Variants in SLC24A4 observed in about 807,000 individuals in gnomAD.
The protein encoded by SLC24A4 is sodium/potassium/calcium exchanger 4.
In SLC24A4, 53 loss-of-function variants were observed where a neutral mutation model predicts 79.0. The observed-to-expected ratio is 0.67, with a 90% CI of 0.54 to 0.84. The LOEUF (loss-of-function observed/expected upper bound fraction) is 0.84, where lower values mean the gene tolerates loss of function less well. Among genes scored for constraint, SLC24A4 ranks in the 40% least tolerant of loss-of-function variants. The pLI, the probability that SLC24A4 is intolerant of heterozygous loss-of-function variation, is 0.00. For synonymous variants in SLC24A4, 323 were observed against 323.8 expected, an observed-to-expected ratio of 1.00 and a Z score of 0.03; for missense variants, 731 against 822.0, an observed-to-expected ratio of 0.89 and a Z score of 1.35.
At chr14:92,368,201 C>G (rs546179141) in intron 2 of SLC24A4, among the ~76,000 whole-genome samples, 1 of 152,206 alleles carries the variant, frequency 6.6e-6, no homozygotes, top group Admixed American at 6.5e-5. Flanking sequence ...CAGACAGAAA[C>G]AATGGGCAAT....
At chr14:92,396,427 C>G (rs1889783333) in intron 2 of SLC24A4, among the ~76,000 whole-genome samples, 1 of 152,080 alleles carries the variant, frequency 6.6e-6, no homozygotes, top group Admixed American at 6.6e-5. Context: ...GTTGGGTGAG[C>G]CCAAGGTGCT....
intron 12 of SLC24A4, among the ~76,000 whole-genome samples, chr14:92,468,931 T>A (rs1894278721): frequency 2.5e-5 from 1 of 39,406 alleles, no homozygotes; most frequent in South Asian, 8.3e-4. Context: ...TGTGTGTGTG[T>A]GTGTCACTTA....
intron 3 of SLC24A4, among the ~76,000 whole-genome samples, chr14:92,437,247 A>G (rs1566765331): frequency 1.3e-5 from 2 of 152,158 alleles, no homozygotes; most frequent in East Asian, 1.9e-4. Context: ...TTGTTCCTCA[A>G]AGGCATCAAA....
chr14:92,480,540 G>A lies in SLC24A4; in HGVS notation c.1256-2140G>A, dbSNP rs183384916. ...GATCTCCTGACCTCATGATCCACCCGCCTCGGCCTCCCAAAGTGCTGGGAT... is the reference window on the plus strand; with the variant it reads ...GATCTCCTGACCTCATGATCCACCCACCTCGGCCTCCCAAAGTGCTGGGAT... On this transcript the variant is annotated intron_variant, in intron 12 of 16. Transcript: ENST00000532405. 5.2e-3 allele frequency among the ~76,000 whole-genome samples: 783 copies of A among 151,112 alleles called. 4 individuals carry two copies. The highest frequency in any genetic ancestry group is 0.012 in the South Asian group (56 of 4,750).
intron 2 of SLC24A4, among the ~76,000 whole-genome samples, chr14:92,384,012 C>T (rs1346809923): frequency 6.6e-6 from 1 of 152,172 alleles, no homozygotes; most frequent in Non-Finnish European, 1.5e-5. Flanking sequence ...TTAATGACTC[C>T]AGCTTGACTC....
intron 12 of SLC24A4, among the ~76,000 whole-genome samples, chr14:92,471,662 T>C (rs953364641): frequency 2.6e-5 from 4 of 152,104 alleles, no homozygotes; most frequent in Non-Finnish European, 4.4e-5. Flanking sequence ...GCATGGGGAA[T>C]GAACACACTA....
intron 2 of SLC24A4, among the ~76,000 whole-genome samples, chr14:92,430,028 G>A (rs1189222873): frequency 6.6e-6 from 1 of 152,184 alleles, no homozygotes; most frequent in South Asian, 2.1e-4. Flanking sequence ...GACCAGGCAC[G>A]TCCGTGACGC....
At chr14:92,358,647 C>T (rs1887315961) in intron 2 of SLC24A4, among the ~76,000 whole-genome samples, 1 of 151,814 alleles carries the variant, frequency 6.6e-6, no homozygotes, top group Non-Finnish European at 1.5e-5. Flanking sequence ...TTCTTTTCTT[C>T]ACCACCTATC....
rs557937671 is a variant in SLC24A4, at chr14:92,354,244, G to A, written c.241+28266G>A. ...TGCAGTGGCGCGATCTCCGCCTCCC[G>A]GGTTCACGCCATTCTCCTGCCTTAC... On this transcript the variant is annotated intron_variant, in intron 2 of 16. Coordinates refer to ENST00000532405, the MANE Select transcript of SLC24A4 (RefSeq NM_153646.4). Among the ~76,000 whole-genome samples the A allele has an allele frequency of 2.2e-4, 33 of 151,414 alleles. 1 individual carries two copies. The South Asian group carries it at 6.3e-3, about 29-fold the overall frequency.
At chr14:92,474,702 C>CGT (rs200558729) in intron 12 of SLC24A4, among the ~76,000 whole-genome samples, 2 of 4,198 alleles carry the variant, frequency 4.8e-4, no homozygotes, top group Admixed American at 9.1e-3. Flanking sequence ...TGTATATATA[C>CGT]GTGTGTGTAT....
At chr14:92,454,380 C>G (rs1303380486) in intron 11 of SLC24A4, among the ~76,000 whole-genome samples, 2 of 151,976 alleles carry the variant, frequency 1.3e-5, no homozygotes, top group African/African-American at 4.8e-5. Flanking sequence ...TAGGGCAAAA[C>G]AAAAAAGATG....
At chr14:92,446,353 G>C (rs1035025705) in intron 8 of SLC24A4, among the ~76,000 whole-genome samples, 7 of 152,058 alleles carry the variant, frequency 4.6e-5, no homozygotes, top group African/African-American at 1.7e-4. Flanking sequence ...CACCATGTTG[G>C]CCAGGCTGGT....
chr14:92,468,165 A>G (rs7154308), intron 12 of SLC24A4, among the ~76,000 whole-genome samples: 129,156 of 152,118 alleles, frequency 0.85, 55,279 homozygotes, highest in South Asian at 0.9. Context: ...TCCCATTTAC[A>G]ATAGGATTTA....
chr14:92,323,693 A>C lies in SLC24A4; in HGVS notation c.-138A>C. Reference sequence around the variant, plus strand: ...CCCCCGCCGACCTCGCCCTCGGGCCATGAGGCTTTGGCCCGGAGCTCCTCG... The same window carrying C: ...CCCCCGCCGACCTCGCCCTCGGGCCCTGAGGCTTTGGCCCGGAGCTCCTCG... On this transcript the variant is annotated 5_prime_UTR_variant, in exon 1 of 17. An upstream start codon of the reference 5' UTR is lost. Coordinates refer to ENST00000532405, the MANE Select transcript of SLC24A4 (RefSeq NM_153646.4). The surrounding 1 kb of genome is among the most constrained non-coding windows in gnomAD (Gnocchi z 4.9). The C allele has an allele frequency of 8.7e-7, 1 of 1,150,454 alleles. No homozygotes were observed. The highest frequency in any genetic ancestry group is 2.9e-5 in the East Asian group (1 of 34,864). The allele number at this position is 1,150,454 out of a possible 1,614,324, so 71.3% of individuals were successfully genotyped here.
At chr14:92,354,895 G>A (rs146181036) in intron 2 of SLC24A4, among the ~76,000 whole-genome samples, 150 of 152,280 alleles carry the variant, frequency 9.9e-4, no homozygotes, top group African/African-American at 2.5e-3. Flanking sequence ...CCAACATGGC[G>A]AAACCCCATC....
chr14:92,462,118 T>C (rs1172236758), intron 12 of SLC24A4: 1 of 152,362 alleles, frequency 6.6e-6, no homozygotes, highest in East Asian at 1.9e-4. Flanking sequence ...GAGTCACTTT[T>C]CCACTCTGTG....
chr14:92,326,022 G>A, intron 2 of SLC24A4, 44 bp downstream of exon 2: 1 of 1,428,152 alleles, frequency 7.0e-7, no homozygotes, highest in Non-Finnish European at 9.8e-7. Flanking sequence ...AAGATGTTTG[G>A]CCTGGCCTGG....
chr14:92,463,672 T>C (rs1280141209), intron 12 of SLC24A4, among the ~76,000 whole-genome samples: 1 of 152,216 alleles, frequency 6.6e-6, no homozygotes, highest in East Asian at 1.9e-4. Context: ...TTTTCACTTA[T>C]CATAATATTC....
intron 12 of SLC24A4, among the ~76,000 whole-genome samples, chr14:92,476,183 C>T (rs544341875): frequency 1.3e-5 from 2 of 152,294 alleles, no homozygotes; most frequent in Admixed American, 6.5e-5. Flanking sequence ...TTCCCTAAAG[C>T]GAATTCTTCC....
Sources: gnomAD v4.1 joint callset for allele counts (sites outside exome capture counted in the v4.1 genomes callset) on GRCh38, gnomAD v4.1.1 for gene constraint, Gnocchi (gnomAD v3.1) non-coding constraint, MANE v1.5 for transcripts, NCBI Gene and HGNC (gene_info 2026-07-23, HGNC 2026-07-21) for gene names.